GABBR2: variants seen among roughly 807,000 people sequenced by gnomAD.
GABBR2 encodes gamma-aminobutyric acid type B receptor subunit 2, also known as G-protein coupled receptor 51.
A neutral mutation model predicts 105.6 loss-of-function variants in GABBR2; 23 were observed. The ratio of observed to expected loss-of-function variants is 0.22; its 90% CI spans 0.16 to 0.31. The LOEUF is 0.31. Ranked by LOEUF, GABBR2 falls within the 10% of genes least tolerant of loss-of-function variation. The pLI is 1.00. For synonymous variants in GABBR2, 478 were observed against 499.7 expected (o/e 0.96, Z 0.58); for missense variants, 734 against 1,245.5 (o/e 0.59, Z 6.18).
intron 1 of GABBR2, among the ~76,000 whole-genome samples, chr9:98,660,742 C>G (rs114254574): frequency 7.0e-4 from 107 of 152,222 alleles, no homozygotes; most frequent in African/African-American, 2.5e-3. Flanking sequence ...TTCTAGAGGC[C>G]ACTTCTATTT....
chr9:98,347,046 G>A (rs1564026089), intron 13 of GABBR2, among the ~76,000 whole-genome samples: 1 of 152,134 alleles, frequency 6.6e-6, no homozygotes, highest in Non-Finnish European at 1.5e-5. Flanking sequence ...ATATAGGGGT[G>A]CAAGTATCCT....
chr9:98,358,030 T>C (rs560599446), intron 13 of GABBR2, among the ~76,000 whole-genome samples: 11 of 152,236 alleles, frequency 7.2e-5, no homozygotes, highest in Non-Finnish European at 1.3e-4. Context: ...AACTGATGTG[T>C]ATGGCTGTGG....
chr9:98,349,650 G>A (rs754580064), intron 13 of GABBR2, among the ~76,000 whole-genome samples: 7 of 152,002 alleles, frequency 4.6e-5, no homozygotes, highest in South Asian at 2.1e-4. Context: ...CACTGTGCCC[G>A]GAGAATATTT....
At chr9:98,644,864 C>T (rs1830011339) in intron 1 of GABBR2, among the ~76,000 whole-genome samples, 1 of 152,080 alleles carries the variant, frequency 6.6e-6, no homozygotes, top group African/African-American at 2.4e-5. Flanking sequence ...AAAGAAGATA[C>T]TGGGAATGTA....
At chr9:98,587,691 T>C (rs1214920665) in intron 1 of GABBR2, among the ~76,000 whole-genome samples, 1 of 152,206 alleles carries the variant, frequency 6.6e-6, no homozygotes, top group East Asian at 1.9e-4. Flanking sequence ...AGAAGGGCTT[T>C]AATCAATACC....
chr9:98,516,271 C>T, intron 3 of GABBR2: 1 of 152,268 alleles, frequency 6.6e-6, no homozygotes, highest in East Asian at 1.9e-4. Flanking sequence ...CCTTCACCTC[C>T]TGGCCCCAAG....
chr9:98,601,010 C>T (rs1272522914), intron 1 of GABBR2, among the ~76,000 whole-genome samples: 1 of 152,338 alleles, frequency 6.6e-6, no homozygotes, highest in Non-Finnish European at 1.5e-5. Flanking sequence ...CAAGGCTCAG[C>T]TCACATGTCA....
chr9:98,516,571 C>T (rs549087772), intron 3 of GABBR2, among the ~76,000 whole-genome samples: 1 of 152,310 alleles, frequency 6.6e-6, no homozygotes, highest in Non-Finnish European at 1.5e-5. Flanking sequence ...GAACACTAAG[C>T]CCCCAAGAGA....
intron 3 of GABBR2, among the ~76,000 whole-genome samples, chr9:98,540,165 G>T (rs1828264550): frequency 6.6e-6 from 1 of 152,170 alleles, no homozygotes; most frequent in Non-Finnish European, 1.5e-5. Flanking sequence ...CCTCCTAGGG[G>T]CTGAGAAACA....
At chr9:98,459,936 C>T (rs544625361) in intron 6 of GABBR2, among the ~76,000 whole-genome samples, 1 of 152,294 alleles carries the variant, frequency 6.6e-6, no homozygotes, top group South Asian at 2.1e-4. Flanking sequence ...CTATCTGTAG[C>T]CTCTACAATT....
At chr9:98,626,556 C>A (rs1829740326) in intron 1 of GABBR2, among the ~76,000 whole-genome samples, 1 of 152,064 alleles carries the variant, frequency 6.6e-6, no homozygotes, top group African/African-American at 2.4e-5. Context: ...TGATCCTGGG[C>A]AAGTCACTTA....
At chr9:98,349,137 A>C (rs1831348617) in intron 13 of GABBR2, among the ~76,000 whole-genome samples, 1 of 151,898 alleles carries the variant, frequency 6.6e-6, no homozygotes, top group African/African-American at 2.4e-5. Flanking sequence ...TTTATCATGA[A>C]GGGATGTTGA....
At chr9:98,553,043 T>G (rs1187975329) in intron 2 of GABBR2, among the ~76,000 whole-genome samples, 1 of 151,774 alleles carries the variant, frequency 6.6e-6, no homozygotes, top group African/African-American at 2.4e-5. Context: ...GCCTGGCTAT[T>G]TTTTTTATTT....
At chr9:98,569,977 CA>C (rs1474993680) in intron 2 of GABBR2, among the ~76,000 whole-genome samples, 7 of 152,160 alleles carry the variant, frequency 4.6e-5, no homozygotes, top group Non-Finnish European at 8.8e-5. Context: ...CAGTAAATAG[CA>C]AAAGGCCTGA....
At chr9:98,474,942 G>A (rs544552781) in intron 5 of GABBR2, among the ~76,000 whole-genome samples, 2 of 152,142 alleles carry the variant, frequency 1.3e-5, no homozygotes, top group South Asian at 4.2e-4. Context: ...AGCTCATTGG[G>A]GTACATGTGA....
intron 3 of GABBR2, among the ~76,000 whole-genome samples, chr9:98,533,229 C>A (rs1465606338): frequency 6.6e-6 from 1 of 152,148 alleles, no homozygotes; most frequent in East Asian, 1.9e-4. Flanking sequence ...TTTTCCAGAG[C>A]AGTATCCTGG....
intron 1 of GABBR2, among the ~76,000 whole-genome samples, chr9:98,621,278 C>T (rs748087694): frequency 6.6e-5 from 10 of 152,166 alleles, no homozygotes; most frequent in Non-Finnish European, 1.3e-4. Flanking sequence ...CCAGGACTTG[C>T]GGAGTGAAGC....
chr9:98,331,116 T>A (rs1476371813), intron 13 of GABBR2, among the ~76,000 whole-genome samples: 1 of 152,252 alleles, frequency 6.6e-6, no homozygotes, highest in Non-Finnish European at 1.5e-5. Context: ...TTTCCCTGTA[T>A]GGATAGACCA....
intron 3 of GABBR2, among the ~76,000 whole-genome samples, chr9:98,521,406 G>A (rs931706838): frequency 2.0e-5 from 3 of 152,262 alleles, no homozygotes; most frequent in African/African-American, 7.2e-5. Context: ...CCACAGAAGG[G>A]TGCAGGGCCT....
Sources: allele counts gnomAD v4.1 joint callset (sites outside exome capture counted in the v4.1 genomes callset), GRCh38; gene constraint gnomAD v4.1.1; transcripts MANE v1.5; gene names NCBI Gene and HGNC (gene_info 2026-07-23, HGNC 2026-07-21).